The following PPP3CA variants were observed in gnomAD, a reference collection of about 807,000 sequenced individuals.
The protein encoded by PPP3CA is protein phosphatase 3 catalytic subunit alpha, also known as CAM-PRP catalytic subunit.
PPP3CA carries 14 observed loss-of-function variants against 66.5 expected under a neutral mutation model. The observed-to-expected ratio is 0.21, with a 90% CI of 0.14 to 0.33. The LOEUF (loss-of-function observed/expected upper bound fraction) is 0.33. PPP3CA is among the 10% of genes least tolerant of loss of function. The pLI, the probability that PPP3CA is intolerant of heterozygous loss-of-function variation, is 1.00. For missense variants in PPP3CA, 317 were observed against 639.5 expected (o/e 0.50, Z 5.44); for synonymous variants, 232 against 226.2 (o/e 1.03, Z -0.23).
At chr4:101,251,781 G>A (rs544617967) in intron 1 of PPP3CA, among the ~76,000 whole-genome samples, 9 of 152,104 alleles carry the variant, frequency 5.9e-5, no homozygotes, top group Non-Finnish European at 1.2e-4. Context: ...TGTACACTGC[G>A]TTTAGCTAGC....
intron 2 of PPP3CA, among the ~76,000 whole-genome samples, chr4:101,138,184 C>T (rs1043134912): frequency 3.3e-5 from 5 of 152,188 alleles, no homozygotes; most frequent in Admixed American, 6.5e-5. Context: ...TTCTCTCTCA[C>T]GTCTGCAGCC....
In PPP3CA at chr4:101,095,865, C is replaced by T. The variant is rs554765842; in HGVS notation, c.643-1950G>A. On this transcript the variant is annotated intron_variant, in intron 5 of 13. Coordinates refer to ENST00000394854, the MANE Select transcript of PPP3CA (RefSeq NM_000944.5). ...TGGGGTTTCAACATGTTGGTCAAGC[C>T]GGTCTCGAACTCCTGACCTCATGAT... Among the ~76,000 whole-genome samples the T allele has an allele frequency of 3.6e-4, 54 of 152,098 alleles. 1 individual carries two copies. Among genetic ancestry groups the T allele is most frequent in the Non-Finnish European group, 4.7e-4 (32 of 67,972 alleles).
chr4:101,056,561 C>A (rs1466073019), intron 10 of PPP3CA, among the ~76,000 whole-genome samples: 1 of 152,142 alleles, frequency 6.6e-6, no homozygotes, highest in Non-Finnish European at 1.5e-5. Flanking sequence ...GACTTTCCCA[C>A]TGACATTGGA....
At chr4:101,130,579 A>G (rs1253220139) in intron 2 of PPP3CA, among the ~76,000 whole-genome samples, 1 of 152,186 alleles carries the variant, frequency 6.6e-6, no homozygotes, top group African/African-American at 2.4e-5. Context: ...AAGCCAGAAG[A>G]GAGTGGGGGC....
At chr4:101,139,721 G>A (rs541415264) in intron 2 of PPP3CA, among the ~76,000 whole-genome samples, 6 of 88,238 alleles carry the variant, frequency 6.8e-5, no homozygotes, top group Admixed American at 1.5e-4. Flanking sequence ...TTTTTTTGTC[G>A]TTGTTGCTGT....
intron 1 of PPP3CA, among the ~76,000 whole-genome samples, chr4:101,206,113 A>C (rs532458516): frequency 6.6e-6 from 1 of 152,260 alleles, no homozygotes; most frequent in African/African-American, 2.4e-5. Context: ...CCTTCTGATG[A>C]CCAGATCTGT....
intron 6 of PPP3CA, among the ~76,000 whole-genome samples, chr4:101,088,081 T>C (rs1036758480): frequency 6.6e-6 from 1 of 152,196 alleles, no homozygotes; most frequent in Non-Finnish European, 1.5e-5. Flanking sequence ...CCATTCCCCC[T>C]TGGGGTTAGG....
intron 1 of PPP3CA, among the ~76,000 whole-genome samples, chr4:101,247,048 A>C (rs1010686759): frequency 2.2e-4 from 33 of 152,222 alleles, no homozygotes; most frequent in African/African-American, 8.0e-4. Flanking sequence ...TTCAAATGCA[A>C]ATCACACACA....
chr4:101,248,272 C>T (rs1287623534), intron 1 of PPP3CA, among the ~76,000 whole-genome samples: 1 of 152,104 alleles, frequency 6.6e-6, no homozygotes. Flanking sequence ...AGTTTTAGAG[C>T]CAGACAGACC....
intron 1 of PPP3CA, among the ~76,000 whole-genome samples, chr4:101,221,151 G>A (rs2110213887): frequency 6.6e-6 from 1 of 151,668 alleles, no homozygotes; most frequent in South Asian, 2.1e-4. Flanking sequence ...CTTTTCATTA[G>A]TTACCAAGTG....
chr4:101,161,802 A>C (rs1312164843), intron 2 of PPP3CA, among the ~76,000 whole-genome samples: 1 of 152,182 alleles, frequency 6.6e-6, no homozygotes, highest in Non-Finnish European at 1.5e-5. Flanking sequence ...AGAACAGGGA[A>C]GGCCAGTGTC....
At chr4:101,113,032 G>C (rs1721724614) in intron 2 of PPP3CA, among the ~76,000 whole-genome samples, 1 of 152,096 alleles carries the variant, frequency 6.6e-6, no homozygotes, top group Non-Finnish European at 1.5e-5. Flanking sequence ...GATTGATAGA[G>C]ATTGACAAGT....
chr4:101,119,543 TTC>T (rs1721956973), intron 2 of PPP3CA, among the ~76,000 whole-genome samples: 1 of 152,184 alleles, frequency 6.6e-6, no homozygotes, highest in Admixed American at 6.6e-5. Context: ...ACACAAAACT[TTC>T]TTAGATTTCT....
At chr4:101,129,873 G>A (rs967150115) in intron 2 of PPP3CA, among the ~76,000 whole-genome samples, 1 of 152,118 alleles carries the variant, frequency 6.6e-6, no homozygotes, top group Non-Finnish European at 1.5e-5. Flanking sequence ...ACCAGCAAGG[G>A]AACAAAGCTG....
intron 2 of PPP3CA, among the ~76,000 whole-genome samples, chr4:101,127,798 T>C (rs1382759305): frequency 6.6e-6 from 1 of 150,674 alleles, no homozygotes; most frequent in Non-Finnish European, 1.5e-5. Flanking sequence ...TGTCAAGCAA[T>C]GTTTCTAAGC....
chr4:101,337,618 T>A (rs548691432), intron 1 of PPP3CA, among the ~76,000 whole-genome samples: 2 of 152,344 alleles, frequency 1.3e-5, no homozygotes, highest in African/African-American at 4.8e-5. Flanking sequence ...CTCTTTGAAA[T>A]GAAAGTATTT....
At chr4:101,112,967 A>C (rs1366426880) in intron 2 of PPP3CA, among the ~76,000 whole-genome samples, 1 of 152,128 alleles carries the variant, frequency 6.6e-6, no homozygotes, top group Non-Finnish European at 1.5e-5. Flanking sequence ...GGCCTACGCT[A>C]TGCTTAATTT....
chr4:101,346,022 G>C (rs1242817500), intron 1 of PPP3CA, among the ~76,000 whole-genome samples: 1 of 152,144 alleles, frequency 6.6e-6, no homozygotes, highest in East Asian at 1.9e-4. Flanking sequence ...GGGAAATCCC[G>C]GGGCGGCAAC....
chr4:101,141,305 G>A (rs979311046), intron 2 of PPP3CA, among the ~76,000 whole-genome samples: 4 of 152,076 alleles, frequency 2.6e-5, no homozygotes, highest in Non-Finnish European at 2.9e-5. Flanking sequence ...AGGAGGTGGA[G>A]GTTGCAGTGA....
Sources: gnomAD v4.1 joint callset for allele counts (sites outside exome capture counted in the v4.1 genomes callset) on GRCh38, gnomAD v4.1.1 for gene constraint, MANE v1.5 for transcripts, NCBI Gene and HGNC (gene_info 2026-07-23, HGNC 2026-07-21) for gene names.